PYCARD: variants seen among roughly 807,000 people sequenced by gnomAD.
PYCARD encodes the protein PYD and CARD domain containing.
PYCARD carries 10 observed loss-of-function variants against 10.0 expected under a neutral mutation model. The observed-to-expected ratio is 1.00, with a 90% confidence interval of 0.62 to 1.69. The LOEUF (loss-of-function observed/expected upper bound fraction) is 1.69. PYCARD is among the 40% of genes most tolerant of loss of function. PYCARD has a pLI of 0.00. For synonymous variants in PYCARD, 121 were observed against 122.3 expected (o/e 0.99, Z 0.07); for missense variants, 239 against 260.2 (o/e 0.92, Z 0.56).
At chr16:31,201,868 A>C (rs2079444960) in intron 2 of PYCARD, 27 bp from the exon 3 acceptor site, 1 of 1,610,096 alleles carries the variant, frequency 6.2e-7, no homozygotes. Context: ...AACATGAGCC[A>C]GCAGCCAGGG....
intron 2 of PYCARD, 43 bp from the exon 3 acceptor site, chr16:31,201,884 G>T (rs1198112449): frequency 6.2e-7 from 1 of 1,604,918 alleles, no homozygotes; most frequent in African/African-American, 1.3e-5. Flanking sequence ...CAGGGTGTGG[G>T]GCCTGTCCCT....
chr16:31,202,283 G>A lies in PYCARD; in HGVS notation c.275-80C>T, dbSNP rs1006751184. The A allele has an allele frequency of 5.1e-6, 8 of 1,561,146 alleles. No homozygotes were observed. Among genetic ancestry groups the A allele is most frequent in the Non-Finnish European group, 6.9e-6 (8 of 1,159,944 alleles). The stretch of plus-strand genomic sequence containing the variant: ...GGGGTCCCGTTGGTCGGTAGGCCAA[G>A]CGTGGGGAGCCTCCTTTCCGGTAGA... On this transcript the variant is annotated intron_variant, in intron 1 of 2. Transcript: ENST00000247470. The surrounding 1 kb of genome is among the most constrained non-coding windows in gnomAD (Gnocchi z 4.5).
chr16:31,201,732 C>T lies in PYCARD; in HGVS notation c.441G>A (p.Gln147=). 1.2e-6 allele frequency: 2 copies of T among 1,614,144 alleles called. No individual in the cohort carries two copies. The highest frequency in any genetic ancestry group is 1.1e-5 in the South Asian group (1 of 91,086). The change falls in exon 3 of 3, where the codon CAG becomes CAA. Residue 147 remains glutamine (Q), a synonymous_variant. Coordinates refer to ENST00000247470, the MANE Select transcript of PYCARD (RefSeq NM_013258.5). ...GGTTGGTGGGCTCGGCCCGCACTGC[C>T]TGGTACTGCTCATCCGTCAGGACCT... The part of the protein sequence containing the change: ...YGKVLTDEQY[Q]AVRAEPTNPS...
Position 31,201,524 on chromosome 16 carries a change from A to C in PYCARD, c.*61T>G. Reference sequence around the variant, plus strand: ...TTCGTATATTGTGTATAAAAAGATCAGATTCAGGATGATTTGGTGGGATTG... The same window carrying C: ...TTCGTATATTGTGTATAAAAAGATCCGATTCAGGATGATTTGGTGGGATTG... On this transcript the variant is annotated 3_prime_UTR_variant, in exon 3 of 3. Transcript: ENST00000247470. The C allele has an allele frequency of 3.8e-6, 6 of 1,573,554 alleles. No homozygotes were observed. The highest frequency in any genetic ancestry group is 5.2e-6 in the Non-Finnish European group (6 of 1,159,788).
In PYCARD at chr16:31,202,582, C is replaced by T. The variant is rs141037758; in HGVS notation, c.109G>A (p.Gly37Arg). 7.9e-4 allele frequency: 1,270 copies of T among 1,612,876 alleles called. 12 individuals are homozygous for T. Among genetic ancestry groups the T allele is most frequent in the Middle Eastern group, 3.3e-4 (2 of 6,082 alleles). Residue 37 changes from glycine to arginine, a missense_variant, in exon 1 of 3, where the codon GGG becomes AGG. Gly to Arg is a moderately radical substitution (Grantham distance 125). Coordinates refer to ENST00000247470, the MANE Select transcript of PYCARD (RefSeq NM_013258.5). This position sits in a 1 kb window ranked among gnomAD's most constrained non-coding sequence, Gnocchi z 4.5. ...AGCAGCGCGCCCCGCGGGATGCGCC[C>T]GTAGCCCTCGCGCAGCGGCACCGAC... is the stretch of plus-strand genomic sequence containing the variant. ...LLSVPLREGY[G>R]RIPRGALLSM...
In PYCARD at chr16:31,201,764, ACAGAG is replaced by A; in HGVS notation, c.404_408del (p.Ala135ValfsTer8). ...TGCTCATCCGTCAGGACCTTCCCGTACAGAGCATCCAGCAGCCACTCAACGTTTGT... is the reference window on the plus strand; with the variant it reads ...TGCTCATCCGTCAGGACCTTCCCGTACATCCAGCAGCCACTCAACGTTTGT... On this transcript the variant is annotated frameshift_variant, in exon 3 of 3. Transcript: ENST00000247470. LOFTEE classifies it low-confidence loss of function (END_TRUNC). The A allele has an allele frequency of 6.2e-7, 1 of 1,614,154 alleles. No individual in the cohort carries two copies. The highest frequency in any genetic ancestry group is 8.5e-7 in the Non-Finnish European group (1 of 1,180,044).
rs1167855528 is a variant in PYCARD at position 31,201,839 on chromosome 16, G to C, written c.334C>G (p.Leu112Val). Reference sequence around the variant, plus strand: ...GCCCGGTGCTGGTCTATAAAGTGCAGGCCTGGGGGTGGGAGGAGAACATGA... The same window carrying C: ...GCCCGGTGCTGGTCTATAAAGTGCACGCCTGGGGGTGGGAGGAGAACATGA... ...APPQSAAKPG[L>V]HFIDQHRAAL... The change falls in exon 3 of 3, where the codon CTG becomes GTG. Residue 112 changes from leucine to valine, a missense_variant and splice_region_variant. Transcript: ENST00000247470. 1 of 1,613,504 alleles carries C rather than the reference G, an allele frequency of 6.2e-7. No individual in the cohort carries two copies. Among genetic ancestry groups the C allele is most frequent in the African/African-American group, 1.3e-5 (1 of 74,940 alleles).
Position 31,201,501 on chromosome 16 carries a change from C to T in PYCARD, c.*84G>A, listed in dbSNP as rs1011531791. 1.3e-5 allele frequency: 20 copies of T among 1,538,048 alleles called. No individual in the cohort carries two copies. Among genetic ancestry groups the T allele is most frequent in the East Asian group, 4.5e-5 (2 of 44,180 alleles). On this transcript the variant is annotated 3_prime_UTR_variant, in exon 3 of 3. Transcript: ENST00000247470. ...AACACACAAGTTCAAGCTGGCTTTT[C>T]GTATATTGTGTATAAAAAGATCAGA...
rs750929809 is a variant in PYCARD at position 31,202,160 on chromosome 16, C to T, written c.318G>A (p.Ser106=). 1 of 1,607,404 alleles carries T rather than the reference C, an allele frequency of 6.2e-7. No individual in the cohort carries two copies. The stretch of plus-strand genomic sequence containing the variant: ...TGGAGGCCTCACCTGGCTTGGCTGC[C>T]GACTGAGGAGGGGCCTGGATCCCAG... ...APAGIQAPPQ[S]AAKPGLHFID... The change falls in exon 2 of 3, where the codon TCG becomes TCA. Residue 106 remains serine, a synonymous_variant. Transcript: ENST00000247470. This position sits in a 1 kb window ranked among gnomAD's most constrained non-coding sequence, Gnocchi z 4.5.
Position 31,202,335 on chromosome 16 carries a change from C to T in PYCARD, c.274+82G>A. On this transcript the variant is annotated intron_variant, in intron 1 of 2. Transcript: ENST00000247470. The surrounding 1 kb of genome is among the most constrained non-coding windows in gnomAD (Gnocchi z 4.5). ...CAGCTTTGTTTAGGGGTAGGAGGAA[C>T]AGAAAGCGGAAGAGCCCGCGGGGTA... The T allele has an allele frequency of 6.5e-7, 1 of 1,532,582 alleles. No homozygotes were observed. The highest frequency in any genetic ancestry group is 8.7e-7 in the Non-Finnish European group (1 of 1,143,582). The allele number at this position is 1,532,582 out of a possible 1,614,324, so 94.9% of individuals were successfully genotyped here.
Position 31,201,843 on chromosome 16 carries a change from TG to T in PYCARD, c.332-3del. On this transcript the variant is annotated splice_polypyrimidine_tract_variant and splice_region_variant and intron_variant, in intron 2 of 2. Coordinates refer to ENST00000247470, the MANE Select transcript of PYCARD (RefSeq NM_013258.5). ...GGTGCTGGTCTATAAAGTGCAGGCC[TG>T]GGGGTGGGAGGAGAACATGAGCCAG... is the stretch of plus-strand genomic sequence containing the variant. 6.2e-7 allele frequency: 1 copy of T among 1,613,178 alleles called. No individual in the cohort carries two copies. Among genetic ancestry groups the T allele is most frequent in the Non-Finnish European group, 8.5e-7 (1 of 1,179,530 alleles).
At position 31,202,132 on chromosome 16, in the gene PYCARD, G is replaced by A; in HGVS notation, c.331+15C>T. The A allele has an allele frequency of 1.2e-6, 2 of 1,605,654 alleles. No individual in the cohort carries two copies. The highest frequency in any genetic ancestry group is 8.5e-7 in the Non-Finnish European group (1 of 1,178,690). On this transcript the variant is annotated intron_variant, in intron 2 of 2. Transcript: ENST00000247470. The surrounding 1 kb of genome is among the most constrained non-coding windows in gnomAD (Gnocchi z 4.5). ...CAGGAGTGCGGTGGGGCCGGGCTGG[G>A]TGTGGAGGCCTCACCTGGCTTGGCT...
In PYCARD at chr16:31,202,374, G is replaced by T; in HGVS notation, c.274+43C>A. On this transcript the variant is annotated intron_variant, in intron 1 of 2. Transcript: ENST00000247470. This position sits in a 1 kb window ranked among gnomAD's most constrained non-coding sequence, Gnocchi z 4.5. The stretch of plus-strand genomic sequence containing the variant: ...GCCCGCGGGGTAAGCGCTGGTGTGG[G>T]TGGAGGGGAAAGACGGGGTGGAGGG... 6.5e-7 allele frequency: 1 copy of T among 1,527,684 alleles called. No individual in the cohort carries two copies. The allele number at this position is 1,527,684 out of a possible 1,614,324, so 94.6% of individuals were successfully genotyped here. A position where few individuals can be genotyped will look rare whatever the true frequency, so the allele number is the denominator to read the frequency against.
In PYCARD at chr16:31,202,111, A is replaced by C; in HGVS notation, c.331+36T>G. On this transcript the variant is annotated intron_variant, in intron 2 of 2. Coordinates refer to ENST00000247470, the MANE Select transcript of PYCARD (RefSeq NM_013258.5). The surrounding 1 kb of genome is among the most constrained non-coding windows in gnomAD (Gnocchi z 4.5). ...GGAGCACAGATGCAGGCTGTGCAGGAGTGCGGTGGGGCCGGGCTGGGTGTG... is the reference window on the plus strand; with the variant it reads ...GGAGCACAGATGCAGGCTGTGCAGGCGTGCGGTGGGGCCGGGCTGGGTGTG... 6.3e-7 allele frequency: 1 copy of C among 1,598,070 alleles called. No homozygotes were observed. The highest frequency in any genetic ancestry group is 8.5e-7 in the Non-Finnish European group (1 of 1,175,002).
chr16:31,201,904 GAGTTCTTC>G (rs1174755848), intron 2 of PYCARD, 63 bp from the exon 3 acceptor site: 9 of 1,592,830 alleles, frequency 5.7e-6, no homozygotes, highest in Non-Finnish European at 7.7e-6. Context: ...TGCTGAACTT[GAGTTCTTC>G]AGGAATTCCT....
Position 31,202,035 on chromosome 16 carries a change from G to C in PYCARD, c.331+112C>G. ...CAGGGTGTGGGTTGGTGGGTGGGGT[G>C]CGCAGGGTTGCCAAGCCGTGCCTGC... On this transcript the variant is annotated intron_variant, in intron 2 of 2. Transcript: ENST00000247470. This position sits in a 1 kb window ranked among gnomAD's most constrained non-coding sequence, Gnocchi z 4.5. 6.8e-7 allele frequency: 1 copy of C among 1,469,050 alleles called. No homozygotes were observed. Among genetic ancestry groups the C allele is most frequent in the Non-Finnish European group, 9.1e-7 (1 of 1,101,012 alleles). 91.0% of individuals were successfully genotyped at this position (1,469,050 alleles called of 1,614,324 possible). A position where few individuals can be genotyped will look rare whatever the true frequency, so the allele number is the denominator to read the frequency against.
chr16:31,201,505 T>G lies in PYCARD; in HGVS notation c.*80A>C. On this transcript the variant is annotated 3_prime_UTR_variant, in exon 3 of 3. Coordinates refer to ENST00000247470, the MANE Select transcript of PYCARD (RefSeq NM_013258.5). ...CACAAGTTCAAGCTGGCTTTTCGTATATTGTGTATAAAAAGATCAGATTCA... is the reference window on the plus strand; with the variant it reads ...CACAAGTTCAAGCTGGCTTTTCGTAGATTGTGTATAAAAAGATCAGATTCA... The G allele has an allele frequency of 6.5e-7, 1 of 1,544,738 alleles. No homozygotes were observed. Among genetic ancestry groups the G allele is most frequent in the Non-Finnish European group, 8.7e-7 (1 of 1,143,740 alleles).
In PYCARD at chr16:31,201,496, C is replaced by CT; in HGVS notation, c.*88dup. ...AGGAAAACACACAAGTTCAAGCTGG[C>CT]TTTTCGTATATTGTGTATAAAAAGA... On this transcript the variant is annotated 3_prime_UTR_variant, in exon 3 of 3. Transcript: ENST00000247470. 7 of 1,531,156 alleles carry CT rather than the reference C, an allele frequency of 4.6e-6. No individual in the cohort carries two copies. The highest frequency in any genetic ancestry group is 6.1e-6 in the Non-Finnish European group (7 of 1,138,562). 94.8% of individuals were successfully genotyped at this position (1,531,156 alleles called of 1,614,324 possible). A position where few individuals can be genotyped will look rare whatever the true frequency, so the allele number is the denominator to read the frequency against.
Position 31,202,281 on chromosome 16 carries a change from A to G in PYCARD, c.275-78T>C. The G allele has an allele frequency of 6.4e-7, 1 of 1,563,590 alleles. No homozygotes were observed. The highest frequency in any genetic ancestry group is 8.6e-7 in the Non-Finnish European group (1 of 1,161,442). ...CCGGGGTCCCGTTGGTCGGTAGGCC[A>G]AGCGTGGGGAGCCTCCTTTCCGGTA... On this transcript the variant is annotated intron_variant, in intron 1 of 2. Transcript: ENST00000247470. This position sits in a 1 kb window ranked among gnomAD's most constrained non-coding sequence, Gnocchi z 4.5.
Sources: allele counts gnomAD v4.1 joint callset, GRCh38; gene constraint gnomAD v4.1.1; non-coding constraint Gnocchi (gnomAD v3.1); transcripts MANE v1.5; gene names NCBI Gene and HGNC (gene_info 2026-07-23, HGNC 2026-07-21).